The following SNX30 variants were observed in gnomAD, a reference collection of about 807,000 sequenced individuals.
SNX30 encodes sorting nexin family member 30.
In SNX30, 24 loss-of-function variants were observed where a neutral mutation model predicts 46.4. That is an observed-to-expected ratio of 0.52 (90% confidence interval 0.37 to 0.73). SNX30 has a LOEUF of 0.73. Ranked by LOEUF, SNX30 falls within the 30% of genes least tolerant of loss-of-function variation. The pLI is 0.00. For synonymous variants in SNX30, 189 were observed against 211.5 expected (o/e 0.89, Z 0.92); for missense variants, 533 against 555.7 (o/e 0.96, Z 0.41).
chr9:112,750,911 C>T lies in SNX30; in HGVS notation c.-91C>T, dbSNP rs1418204216. Reference sequence around the variant, plus strand: ...TGCAAGGCCTCGGGTTAAGCGGCGGCCGAGCGGGGCTCGGCCCGGGGTGCT... The same window carrying T: ...TGCAAGGCCTCGGGTTAAGCGGCGGTCGAGCGGGGCTCGGCCCGGGGTGCT... On this transcript the variant is annotated 5_prime_UTR_variant, in exon 1 of 9. Coordinates refer to ENST00000374232, the MANE Select transcript of SNX30 (RefSeq NM_001012994.2). 5.4e-6 allele frequency: 6 copies of T among 1,114,708 alleles called. No homozygotes were observed. The highest frequency in any genetic ancestry group is 6.6e-6 in the Non-Finnish European group (6 of 911,174). The allele number at this position is 1,114,708 out of a possible 1,614,324, so 69.1% of individuals were successfully genotyped here. A position where few individuals can be genotyped will look rare whatever the true frequency, so the allele number is the denominator to read the frequency against.
At chr9:112,846,792 T>G (rs1840945716) in intron 6 of SNX30, among the ~76,000 whole-genome samples, 1 of 152,160 alleles carries the variant, frequency 6.6e-6, no homozygotes, top group Non-Finnish European at 1.5e-5. Context: ...TCCACAAAGC[T>G]TTGAAGCTGA....
At chr9:112,775,557 TGTGTGTG>T in intron 1 of SNX30, among the ~76,000 whole-genome samples, 1 of 149,512 alleles carries the variant, frequency 6.7e-6, no homozygotes, top group African/African-American at 2.5e-5. Context: ...TGTGTGTGTG[TGTGTGTG>T]TGTGTGTGTG....
chr9:112,777,418 ATATT>A (rs111364157), intron 1 of SNX30, among the ~76,000 whole-genome samples: 5,087 of 150,568 alleles, frequency 0.034, 243 homozygotes, highest in African/African-American at 0.1. Context: ...CTTTTTAAAG[ATATT>A]TATTTATTTA....
At chr9:112,847,625 T>G (rs1840959739) in intron 6 of SNX30, among the ~76,000 whole-genome samples, 1 of 152,226 alleles carries the variant, frequency 6.6e-6, no homozygotes, top group Non-Finnish European at 1.5e-5. Context: ...CTTTGTCCAT[T>G]TATTTTTCCT....
intron 5 of SNX30, among the ~76,000 whole-genome samples, chr9:112,836,626 CTTTTCCCATGG>C (rs1840756573): frequency 6.6e-6 from 1 of 152,230 alleles, no homozygotes; most frequent in Non-Finnish European, 1.5e-5. Flanking sequence ...CTTGTGTTTG[CTTTTCCCATGG>C]CCAGCACTGC....
At chr9:112,767,534 G>T (rs1177601424) in intron 1 of SNX30, among the ~76,000 whole-genome samples, 1 of 151,626 alleles carries the variant, frequency 6.6e-6, no homozygotes, top group Admixed American at 6.6e-5. Context: ...TTTTTTCCTA[G>T]GAGTTTTATG....
chr9:112,752,005 T>G (rs1475364708), intron 1 of SNX30, among the ~76,000 whole-genome samples: 1 of 152,152 alleles, frequency 6.6e-6, no homozygotes, highest in South Asian at 2.1e-4. Flanking sequence ...CTGCCGTCAC[T>G]TAGTCACTAA....
At chr9:112,761,611 A>G (rs1564259312) in intron 1 of SNX30, among the ~76,000 whole-genome samples, 1 of 152,176 alleles carries the variant, frequency 6.6e-6, no homozygotes, top group Non-Finnish European at 1.5e-5. Flanking sequence ...TAAAGATGAC[A>G]GATTTTGGTG....
At chr9:112,771,897 G>T (rs949777452) in intron 1 of SNX30, among the ~76,000 whole-genome samples, 1 of 152,186 alleles carries the variant, frequency 6.6e-6, no homozygotes, top group African/African-American at 2.4e-5. Context: ...TTGGCTTGTG[G>T]TGAGTTTTAC....
At chr9:112,798,215 T>C (rs1840145902) in intron 1 of SNX30, among the ~76,000 whole-genome samples, 1 of 93,440 alleles carries the variant, frequency 1.1e-5, no homozygotes, top group Non-Finnish European at 2.1e-5. Context: ...GCCATGCTGG[T>C]GCACTGCACC....
At chr9:112,806,537 A>G (rs1840226863) in intron 2 of SNX30, among the ~76,000 whole-genome samples, 1 of 152,210 alleles carries the variant, frequency 6.6e-6, no homozygotes, top group Non-Finnish European at 1.5e-5. Flanking sequence ...GTAGAAAAAA[A>G]TCATTTTTTA....
chr9:112,884,820 ATT>A (rs1307639972), downstream of SNX30, among the ~76,000 whole-genome samples: 1 of 151,992 alleles, frequency 6.6e-6, no homozygotes, highest in Non-Finnish European at 1.5e-5. Context: ...CCTTTTGTTG[ATT>A]TTTGGGTTTT....
At chr9:112,768,285 G>C (rs1395756430) in intron 1 of SNX30, among the ~76,000 whole-genome samples, 1 of 152,110 alleles carries the variant, frequency 6.6e-6, no homozygotes, top group Non-Finnish European at 1.5e-5. Context: ...TCCTCCTCTC[G>C]ATGTTTCCAG....
chr9:112,786,207 T>C (rs1480300932), intron 1 of SNX30, among the ~76,000 whole-genome samples: 1 of 149,826 alleles, frequency 6.7e-6, no homozygotes, highest in Non-Finnish European at 1.5e-5. Context: ...AGCCTTGACC[T>C]CCTGGGCTTA....
intron 1 of SNX30, among the ~76,000 whole-genome samples, chr9:112,793,798 TTTTTTG>T (rs1328248075): frequency 3.8e-5 from 4 of 104,368 alleles, no homozygotes; most frequent in African/African-American, 5.7e-5. Flanking sequence ...ACCTCCACTG[TTTTTTG>T]TTTTTTTTTT....
chr9:112,809,602 G>C (rs1414187370), intron 2 of SNX30, among the ~76,000 whole-genome samples: 1 of 152,056 alleles, frequency 6.6e-6, no homozygotes, highest in Non-Finnish European at 1.5e-5. Context: ...ACCCCAACTA[G>C]TTCCTCTTTC....
intron 1 of SNX30, among the ~76,000 whole-genome samples, chr9:112,761,774 G>T (rs1839440626): frequency 6.6e-6 from 1 of 152,122 alleles, no homozygotes; most frequent in South Asian, 2.1e-4. Context: ...GACAGAGGAT[G>T]CCTGAAGGCC....
intron 8 of SNX30, among the ~76,000 whole-genome samples, chr9:112,867,028 CTCCCACCTCCTCAGAATTCT>C (rs1841364010): frequency 2.3e-5 from 3 of 129,434 alleles, no homozygotes; most frequent in Non-Finnish European, 5.1e-5. Flanking sequence ...CTCAGAATTC[CTCCCACCTCCTCAGAATTCT>C]TTCTCCCTCC....
intron 8 of SNX30, among the ~76,000 whole-genome samples, chr9:112,865,657 A>ATGTGTGTGTGTGTG (rs1399648106): frequency 1.2e-5 from 1 of 81,434 alleles, no homozygotes; most frequent in East Asian, 3.8e-4. Context: ...ATATATATAT[A>ATGTGTGTGTGTGTG]TATATGTATG....
Sources: gnomAD v4.1 joint callset for allele counts (sites outside exome capture counted in the v4.1 genomes callset) on GRCh38, gnomAD v4.1.1 for gene constraint, MANE v1.5 for transcripts, NCBI Gene and HGNC (gene_info 2026-07-23, HGNC 2026-07-21) for gene names.